The following FBXO4 variants were observed in gnomAD, a reference collection of about 807,000 sequenced individuals.
FBXO4 encodes F-box protein 4, also known as F-box only protein 4.
Under a neutral mutation model 43.7 loss-of-function variants are expected in FBXO4, and 36 were observed. That is an observed-to-expected ratio of 0.82 (90% CI 0.63 to 1.09). The LOEUF is 1.09. FBXO4 is among the 50% of genes least tolerant of loss of function. The pLI is 0.00. For synonymous variants in FBXO4, 180 were observed against 165.6 expected (o/e 1.09, Z -0.67); for missense variants, 435 against 474.1 (o/e 0.92, Z 0.77).
chr5:41,981,242 C>T, the FBXO4 span, among the ~76,000 whole-genome samples: 1 of 151,986 alleles, frequency 6.6e-6, no homozygotes, highest in Non-Finnish European at 1.5e-5. Context: ...AATTTGGTGG[C>T]AAGATTCAAC....
chr5:42,032,594 A>G, the FBXO4 span, among the ~76,000 whole-genome samples: 1 of 152,148 alleles, frequency 6.6e-6, no homozygotes, highest in Non-Finnish European at 1.5e-5. Context: ...CTTATGGTGA[A>G]TGCTGCCTGA....
chr5:42,021,130 A>T, the FBXO4 span, among the ~76,000 whole-genome samples: 22 of 152,304 alleles, frequency 1.4e-4, no homozygotes, highest in South Asian at 4.1e-3. Context: ...AACGATTAGG[A>T]TCTGATAACA....
the FBXO4 span, among the ~76,000 whole-genome samples, chr5:41,975,190 A>G: frequency 2.0e-5 from 3 of 152,198 alleles, no homozygotes; most frequent in South Asian, 2.1e-4. Flanking sequence ...CTATTAATTT[A>G]TTAACAATTC....
At chr5:41,989,940 A>G in the FBXO4 span, among the ~76,000 whole-genome samples, 1 of 152,136 alleles carries the variant, frequency 6.6e-6, no homozygotes, top group Admixed American at 6.6e-5. Flanking sequence ...TACGGCAGGG[A>G]CCGAATATAT....
At position 41,927,073 on chromosome 5, in the gene FBXO4, A is replaced by G; in HGVS notation, c.250A>G (p.Ser84Gly). Residue 84 changes from serine to glycine, a missense_variant, in exon 2 of 7, where the codon AGT (serine) becomes GGT (glycine). Coordinates refer to ENST00000281623, the MANE Select transcript of FBXO4 (RefSeq NM_012176.3). ...ACCTCATGATCTGTGTCAGTTGGGA[A>G]GTACAAATCATTATTGGAATGAAAC... ...LSPHDLCQLG[S>G]TNHYWNETVR... 6.2e-7 allele frequency: 1 copy of G among 1,613,866 alleles called. No individual in the cohort carries two copies. Among genetic ancestry groups the G allele is most frequent in the Non-Finnish European group, 8.5e-7 (1 of 1,179,906 alleles).
At chr5:41,975,624 A>G in the FBXO4 span, among the ~76,000 whole-genome samples, 1 of 152,242 alleles carries the variant, frequency 6.6e-6, no homozygotes, top group East Asian at 1.9e-4. Context: ...ATAAGCTGGT[A>G]CCTCACTATA....
chr5:41,968,460 G>GA, the FBXO4 span: 8 of 152,306 alleles, frequency 5.3e-5, no homozygotes, highest in African/African-American at 1.9e-4. Context: ...AATGAAGGTG[G>GA]AATTTTTTAC....
the FBXO4 span, among the ~76,000 whole-genome samples, chr5:41,984,949 C>G: frequency 6.6e-6 from 1 of 152,192 alleles, no homozygotes; most frequent in Non-Finnish European, 1.5e-5. Context: ...CAACTTCAGT[C>G]TGATTCTCTC....
the FBXO4 span, among the ~76,000 whole-genome samples, chr5:41,956,221 G>T: frequency 1.1e-4 from 16 of 152,260 alleles, no homozygotes; most frequent in South Asian, 3.3e-3. Flanking sequence ...TGTTCAAGAA[G>T]CTGGAGTAAG....
At chr5:41,948,339 G>T in the FBXO4 span, among the ~76,000 whole-genome samples, 1 of 152,054 alleles carries the variant, frequency 6.6e-6, no homozygotes, top group East Asian at 1.9e-4. Flanking sequence ...GTTTCACCCT[G>T]TTAGCCAGGA....
chr5:41,973,911 T>C, the FBXO4 span, among the ~76,000 whole-genome samples: 13 of 152,348 alleles, frequency 8.5e-5, no homozygotes, highest in South Asian at 8.3e-4. Flanking sequence ...TTATATAGTA[T>C]ATAAACCTGC....
the FBXO4 span, among the ~76,000 whole-genome samples, chr5:41,992,241 T>C: frequency 6.6e-6 from 1 of 152,232 alleles, no homozygotes; most frequent in African/African-American, 2.4e-5. Flanking sequence ...TTAAAACTAA[T>C]AATAGTGTAA....
the FBXO4 span, among the ~76,000 whole-genome samples, chr5:42,018,727 A>G: frequency 6.6e-6 from 1 of 152,244 alleles, no homozygotes; most frequent in Non-Finnish European, 1.5e-5. Context: ...AAAAGCATTG[A>G]GTTTAACAGA....
the FBXO4 span, among the ~76,000 whole-genome samples, chr5:41,954,653 C>G: frequency 6.6e-6 from 1 of 152,080 alleles, no homozygotes; most frequent in South Asian, 2.1e-4. Context: ...ACTCGTGTTG[C>G]CTTTTGTTAC....
intron 3 of FBXO4, among the ~76,000 whole-genome samples, chr5:41,931,719 G>A (rs1234257876): frequency 1.3e-5 from 2 of 152,218 alleles, no homozygotes; most frequent in African/African-American, 4.8e-5. Context: ...AGATTTGGGA[G>A]TCATACGGAG....
At chr5:41,967,554 G>A in the FBXO4 span, 23 of 1,034,084 alleles carry the variant, frequency 2.2e-5, no homozygotes, top group Non-Finnish European at 3.4e-5. Flanking sequence ...TCTGTGTGCA[G>A]TGACATTGCA....
the FBXO4 span, among the ~76,000 whole-genome samples, chr5:41,996,031 C>A: frequency 6.6e-6 from 1 of 152,116 alleles, no homozygotes; most frequent in African/African-American, 2.4e-5. Flanking sequence ...GTGAACCAGG[C>A]CCTAGTCTTC....
the FBXO4 span, among the ~76,000 whole-genome samples, chr5:41,956,122 G>A: frequency 3.3e-5 from 5 of 152,128 alleles, no homozygotes; most frequent in African/African-American, 1.2e-4. Flanking sequence ...TAATCTATAA[G>A]CAGGAGAAAA....
chr5:41,941,950 C>T (rs1241089934), downstream of FBXO4, among the ~76,000 whole-genome samples: 1 of 152,068 alleles, frequency 6.6e-6, no homozygotes, highest in East Asian at 1.9e-4. Flanking sequence ...TTCCCAGAGA[C>T]TTGTATGTAT....
Sources: gnomAD v4.1 joint callset for allele counts (sites outside exome capture counted in the v4.1 genomes callset) on GRCh38, gnomAD v4.1.1 for gene constraint, MANE v1.5 for transcripts, NCBI Gene and HGNC (gene_info 2026-07-23, HGNC 2026-07-21) for gene names.